ZNF804B: variants seen among roughly 807,000 people sequenced by gnomAD.
ZNF804B encodes the protein zinc finger 804B.
In ZNF804B, 80 loss-of-function variants were observed where a neutral mutation model predicts 101.4. That is an observed-to-expected ratio of 0.79 (90% confidence interval 0.66 to 0.95). ZNF804B has a LOEUF of 0.95. Ranked by LOEUF, ZNF804B falls within the 40% of genes least tolerant of loss-of-function variation. The probability of loss-of-function intolerance (pLI) is 0.00; values close to 1 mark genes in which losing one functional copy is unlikely to be tolerated. For missense variants in ZNF804B, 1,673 were observed against 1,561.9 expected, an observed-to-expected ratio of 1.07 and a Z score of -1.20; for synonymous variants, 622 against 558.8, an observed-to-expected ratio of 1.11 and a Z score of -1.59.
chr7:88,855,661 G>A (rs1299832782), intron 1 of ZNF804B, among the ~76,000 whole-genome samples: 23 of 152,016 alleles, frequency 1.5e-4, no homozygotes, highest in South Asian at 4.2e-4. Flanking sequence ...TTGGTGTTTT[G>A]GACATGAAGT....
intron 1 of ZNF804B, among the ~76,000 whole-genome samples, chr7:88,987,787 T>C (rs943015515): frequency 2.6e-5 from 4 of 152,114 alleles, no homozygotes; most frequent in Non-Finnish European, 4.4e-5. Flanking sequence ...TTCTAGCTAC[T>C]TTGAAAGAGA....
chr7:89,062,201 T>C (rs1789392013), intron 1 of ZNF804B, among the ~76,000 whole-genome samples: 1 of 152,124 alleles, frequency 6.6e-6, no homozygotes, highest in South Asian at 2.1e-4. Context: ...ACTCACATAC[T>C]TAGAAATCAT....
intron 2 of ZNF804B, among the ~76,000 whole-genome samples, chr7:89,251,828 A>C (rs1584083852): frequency 6.6e-6 from 1 of 152,200 alleles, no homozygotes; most frequent in Non-Finnish European, 1.5e-5. Context: ...CTAGTCAATA[A>C]ATGGTGGTGG....
intron 1 of ZNF804B, among the ~76,000 whole-genome samples, chr7:88,763,344 GTT>G (rs1327160014): frequency 5.3e-5 from 8 of 152,028 alleles, no homozygotes; most frequent in Admixed American, 1.3e-4. Context: ...CCCCCAAACA[GTT>G]TTTGCAGATC....
chr7:89,260,386 A>C (rs1789693761), intron 2 of ZNF804B, among the ~76,000 whole-genome samples: 1 of 151,926 alleles, frequency 6.6e-6, no homozygotes, highest in South Asian at 2.1e-4. Context: ...CTTGTTAAAA[A>C]CCTATTTAGG....
chr7:88,811,783 A>G (rs915805012), intron 1 of ZNF804B, among the ~76,000 whole-genome samples: 30 of 152,156 alleles, frequency 2.0e-4, no homozygotes, highest in African/African-American at 7.2e-4. Flanking sequence ...GAGAACATAT[A>G]GACATAGGAA....
intron 1 of ZNF804B, among the ~76,000 whole-genome samples, chr7:88,922,685 A>G (rs997035830): frequency 3.2e-4 from 48 of 152,058 alleles, no homozygotes; most frequent in African/African-American, 1.1e-3. Context: ...TCTGTAGGGA[A>G]TGTGTAATGT....
At chr7:89,219,578 T>A (rs1788948837) in intron 2 of ZNF804B, among the ~76,000 whole-genome samples, 1 of 151,626 alleles carries the variant, frequency 6.6e-6, no homozygotes, top group Admixed American at 6.6e-5. Flanking sequence ...TCTGGTTAGA[T>A]GTTATCCTTG....
chr7:88,893,725 A>G (rs1237956885), intron 1 of ZNF804B, among the ~76,000 whole-genome samples: 1 of 152,214 alleles, frequency 6.6e-6, no homozygotes, highest in Non-Finnish European at 1.5e-5. Flanking sequence ...GTGTGTCACA[A>G]TGTGAAGCGA....
intron 1 of ZNF804B, among the ~76,000 whole-genome samples, chr7:89,048,402 G>A (rs1223431620): frequency 6.6e-6 from 1 of 151,872 alleles, no homozygotes; most frequent in African/African-American, 2.4e-5. Flanking sequence ...CCACCTGGGA[G>A]GGGATATAAT....
chr7:89,232,340 G>C (rs1008081685), intron 2 of ZNF804B, among the ~76,000 whole-genome samples: 6 of 152,080 alleles, frequency 3.9e-5, no homozygotes, highest in African/African-American at 2.4e-5. Context: ...ATGATGATTT[G>C]TTAAGGATTT....
At chr7:88,782,702 A>G (rs549481109) in intron 1 of ZNF804B, among the ~76,000 whole-genome samples, 1 of 152,290 alleles carries the variant, frequency 6.6e-6, no homozygotes, top group Non-Finnish European at 1.5e-5. Flanking sequence ...TCACTTGGTT[A>G]ATATTAGCAG....
At chr7:89,147,687 A>G (rs1790811766) in intron 1 of ZNF804B, among the ~76,000 whole-genome samples, 1 of 151,998 alleles carries the variant, frequency 6.6e-6, no homozygotes, top group East Asian at 1.9e-4. Context: ...GGCTCACATT[A>G]CCACCTGAGC....
chr7:88,973,477 A>G (rs535550986), intron 1 of ZNF804B, among the ~76,000 whole-genome samples: 1 of 151,386 alleles, frequency 6.6e-6, no homozygotes, highest in Non-Finnish European at 1.5e-5. Flanking sequence ...ACATGTATCA[A>G]TAAAACCTGG....
chr7:89,208,674 T>C (rs972399540), intron 1 of ZNF804B, among the ~76,000 whole-genome samples: 1 of 152,168 alleles, frequency 6.6e-6, no homozygotes, highest in African/African-American at 2.4e-5. Context: ...GTGGCCAACG[T>C]TGATAACTGT....
intron 3 of ZNF804B, among the ~76,000 whole-genome samples, chr7:89,331,394 C>T (rs1468827140): frequency 6.6e-6 from 1 of 151,674 alleles, no homozygotes; most frequent in Non-Finnish European, 1.5e-5. Context: ...CATATACTAT[C>T]TTAGAATGCT....
At chr7:89,034,746 A>C (rs971202082) in intron 1 of ZNF804B, among the ~76,000 whole-genome samples, 5 of 152,206 alleles carry the variant, frequency 3.3e-5, no homozygotes, top group Non-Finnish European at 7.3e-5. Flanking sequence ...AATGATTTAT[A>C]ATCCTTTGGG....
At chr7:88,772,607 G>A (rs1790085624) in intron 1 of ZNF804B, among the ~76,000 whole-genome samples, 1 of 152,180 alleles carries the variant, frequency 6.6e-6, no homozygotes, top group Non-Finnish European at 1.5e-5. Flanking sequence ...TGATCTGATT[G>A]TATGACAAAT....
At chr7:89,192,844 A>C (rs1788478640) in intron 1 of ZNF804B, among the ~76,000 whole-genome samples, 1 of 152,150 alleles carries the variant, frequency 6.6e-6, no homozygotes, top group African/African-American at 2.4e-5. Context: ...AGGTTAGTTC[A>C]ACATTCATAA....
Sources: allele counts gnomAD v4.1 joint callset (sites outside exome capture counted in the v4.1 genomes callset), GRCh38; gene constraint gnomAD v4.1.1; transcripts MANE v1.5; gene names NCBI Gene and HGNC (gene_info 2026-07-23, HGNC 2026-07-21).